The following PPP3R1 variants were observed in gnomAD, a reference collection of about 807,000 sequenced individuals.
PPP3R1 encodes the protein calcineurin subunit B type 1.
A neutral mutation model predicts 22.6 loss-of-function variants in PPP3R1; 5 were observed. That is an observed-to-expected ratio of 0.22 (90% CI 0.12 to 0.46). PPP3R1 has a LOEUF of 0.46. Ranked by LOEUF, PPP3R1 falls within the 20% of genes least tolerant of loss-of-function variation. The probability of loss-of-function intolerance (pLI) is 0.99; values close to 1 mark genes in which losing one functional copy is unlikely to be tolerated. For missense variants in PPP3R1, 61 were observed against 203.2 expected (o/e 0.30, Z 4.25); for synonymous variants, 56 against 65.2 (o/e 0.86, Z 0.68).
chr2:68,223,583 A>C (rs781484962), intron 1 of PPP3R1, among the ~76,000 whole-genome samples: 1 of 152,192 alleles, frequency 6.6e-6, no homozygotes, highest in Non-Finnish European at 1.5e-5. Flanking sequence ...CAGAGGAAAA[A>C]AAAAGAAAAA....
chr2:68,240,649 T>C (rs1670106126), intron 1 of PPP3R1, among the ~76,000 whole-genome samples: 1 of 152,122 alleles, frequency 6.6e-6, no homozygotes. Flanking sequence ...GGCATTCCAG[T>C]AGCATATGCA....
In PPP3R1 at chr2:68,190,255, TA is replaced by T. The variant is rs34117344; in HGVS notation, c.44-1566del. The stretch of plus-strand genomic sequence containing the variant: ...GTAAAGGATCAGGGCAAGTTTCTCT[TA>T]AAAAAAAAAAAAAAAAAAAAAAAAA... On this transcript the variant is annotated intron_variant, in intron 2 of 5. Coordinates refer to ENST00000234310, the MANE Select transcript of PPP3R1 (RefSeq NM_000945.4). 4.8e-3 allele frequency among the ~76,000 whole-genome samples: 120 copies of T among 25,150 alleles called. 1 individual carries two copies. The East Asian group carries it at 0.058, about 12-fold the overall frequency. The allele number at this position is 25,150 out of a possible 152,430, so 16.5% of individuals were successfully genotyped here. A position where few individuals can be genotyped will look rare whatever the true frequency, so the allele number is the denominator to read the frequency against.
chr2:68,204,611 T>C (rs563691755), intron 2 of PPP3R1, among the ~76,000 whole-genome samples: 1 of 152,294 alleles, frequency 6.6e-6, no homozygotes, highest in Non-Finnish European at 1.5e-5. Flanking sequence ...GGGAAAGTAA[T>C]TGTGCCCCTC....
chr2:68,216,964 G>T, intron 2 of PPP3R1, 128 bp downstream of exon 2: 1 of 631,516 alleles, frequency 1.6e-6, no homozygotes, highest in Non-Finnish European at 2.6e-6. Context: ...ATAGTTAAGG[G>T]CTCACATTGC....
chr2:68,205,979 C>T (rs1038844716), intron 2 of PPP3R1, among the ~76,000 whole-genome samples: 1 of 152,040 alleles, frequency 6.6e-6, no homozygotes, highest in Non-Finnish European at 1.5e-5. Context: ...CCACCACACT[C>T]GGCTAATTTT....
intron 1 of PPP3R1, among the ~76,000 whole-genome samples, chr2:68,227,949 C>T (rs1669819053): frequency 6.6e-6 from 1 of 152,062 alleles, no homozygotes. Flanking sequence ...AATCTGTATG[C>T]CTTTATATTC....
chr2:68,229,349 T>C (rs1669844174), intron 1 of PPP3R1, among the ~76,000 whole-genome samples: 2 of 152,140 alleles, frequency 1.3e-5, no homozygotes, highest in Admixed American at 1.3e-4. Flanking sequence ...TAACTTTCCT[T>C]GGTATATGTT....
At chr2:68,210,219 C>A (rs1006079264) in intron 2 of PPP3R1, among the ~76,000 whole-genome samples, 4 of 152,180 alleles carry the variant, frequency 2.6e-5, no homozygotes, top group Non-Finnish European at 4.4e-5. Flanking sequence ...TCTCCTCTTT[C>A]CCAACCATTG....
intron 1 of PPP3R1, chr2:68,251,120 T>C (rs1218698959): frequency 6.6e-6 from 1 of 152,190 alleles, no homozygotes. Flanking sequence ...TGTATACAAC[T>C]CTTGATTACA....
Position 68,252,337 on chromosome 2 carries a change from ATAAAT to A in PPP3R1, c.-215_-211del, listed in dbSNP as rs570247131. 69 of 1,013,956 alleles carry A rather than the reference ATAAAT, an allele frequency of 6.8e-5. 2 individuals are homozygous for A. The South Asian group carries it at 3.0e-3, about 45-fold the overall frequency. The allele number at this position is 1,013,956 out of a possible 1,614,324, so 62.8% of individuals were successfully genotyped here. On this transcript the variant is annotated 5_prime_UTR_variant, in exon 1 of 6. Coordinates refer to ENST00000234310, the MANE Select transcript of PPP3R1 (RefSeq NM_000945.4). Reference sequence around the variant, plus strand: ...GAGGGAGCGGGCAGGGTAGGGGGAAATAAATTAAGGTCGAGATTCAGAGCCGGAGA... The same window carrying A: ...GAGGGAGCGGGCAGGGTAGGGGGAAATAAGGTCGAGATTCAGAGCCGGAGA...
chr2:68,208,087 A>C (rs1669360981), intron 2 of PPP3R1, among the ~76,000 whole-genome samples: 1 of 152,058 alleles, frequency 6.6e-6, no homozygotes, highest in Admixed American at 6.5e-5. Context: ...CAGGAGGTGG[A>C]GGTTGCAGTG....
intron 1 of PPP3R1, among the ~76,000 whole-genome samples, chr2:68,246,644 T>C (rs1339036768): frequency 6.6e-6 from 1 of 152,178 alleles, no homozygotes; most frequent in Non-Finnish European, 1.5e-5. Flanking sequence ...CCCTTCAATC[T>C]GGCATCATGC....
At chr2:68,196,052 C>T (rs188598385) in intron 2 of PPP3R1, among the ~76,000 whole-genome samples, 13 of 152,160 alleles carry the variant, frequency 8.5e-5, no homozygotes, top group Admixed American at 3.9e-4. Context: ...ACTACTACTC[C>T]AATACAGGAT....
At chr2:68,190,459 G>C (rs900303607) in intron 2 of PPP3R1, among the ~76,000 whole-genome samples, 5 of 151,870 alleles carry the variant, frequency 3.3e-5, no homozygotes, top group African/African-American at 1.2e-4. Flanking sequence ...CCAGGTACTT[G>C]GGAGGCTGAG....
chr2:68,197,472 G>GAAAA (rs577331705), intron 2 of PPP3R1, among the ~76,000 whole-genome samples: 3,432 of 152,196 alleles, frequency 0.023, 86 homozygotes, highest in Non-Finnish European at 0.038. Flanking sequence ...AAATATTAAT[G>GAAAA]TGTATTTCTG....
rs116687746 is a variant in PPP3R1 at position 68,204,678 on chromosome 2, T to C, written c.43+12414A>G. 7.6e-3 allele frequency among the ~76,000 whole-genome samples: 1,164 copies of C among 152,336 alleles called. 6 individuals carry two copies. Among genetic ancestry groups the C allele is most frequent in the African/African-American group, 0.027 (1,118 of 41,570 alleles). On this transcript the variant is annotated intron_variant, in intron 2 of 5. Coordinates refer to ENST00000234310, the MANE Select transcript of PPP3R1 (RefSeq NM_000945.4). ...AATGTATGTAAAACGCTTAGAATAATTCCTGGGACATGGTAAGCACCATAC... is the reference window on the plus strand; with the variant it reads ...AATGTATGTAAAACGCTTAGAATAACTCCTGGGACATGGTAAGCACCATAC...
rs1553403008 is a variant in PPP3R1 at position 68,179,009 on chromosome 2, A to AAAAGG, written c.*1953_*1954insCCTTT. 6.1e-3 allele frequency: 749 copies of AAAAGG among 122,538 alleles called. 8 individuals carry two copies. Among genetic ancestry groups the AAAAGG allele is most frequent in the African/African-American group, 0.023 (705 of 31,282 alleles). The allele number at this position is 122,538 out of a possible 1,614,324, so 7.6% of individuals were successfully genotyped here. On this transcript the variant is annotated 3_prime_UTR_variant, in exon 6 of 6. Coordinates refer to ENST00000234310, the MANE Select transcript of PPP3R1 (RefSeq NM_000945.4). Reference sequence around the variant, plus strand: ...CACACACAAACTAAAAAAAAAAAAAAAAAAAAAGAAAAAGAAAAAACCCTC... The same window carrying AAAAGG: ...CACACACAAACTAAAAAAAAAAAAAAAAAGGAAAAAAAGAAAAAGAAAAAACCCTC...
intron 1 of PPP3R1, among the ~76,000 whole-genome samples, chr2:68,251,427 T>G (rs1001474705): frequency 1.3e-5 from 2 of 152,164 alleles, no homozygotes; most frequent in Admixed American, 1.3e-4. Context: ...AGCGCCCCCA[T>G]TTCTCCCAAA....
chr2:68,232,108 AATAT>A (rs1553408844), intron 1 of PPP3R1, among the ~76,000 whole-genome samples: 18 of 89,818 alleles, frequency 2.0e-4, no homozygotes, highest in African/African-American at 8.3e-4. Context: ...AAAAAAAAAA[AATAT>A]ATATATATAT....
Sources: allele counts gnomAD v4.1 joint callset (sites outside exome capture counted in the v4.1 genomes callset), GRCh38; gene constraint gnomAD v4.1.1; transcripts MANE v1.5; gene names NCBI Gene and HGNC (gene_info 2026-07-23, HGNC 2026-07-21).